Variants in LGALS8 observed in about 807,000 individuals in gnomAD.
The protein encoded by LGALS8 is galectin-8.
LGALS8 carries 30 observed loss-of-function variants against 35.9 expected under a neutral mutation model. That is an observed-to-expected ratio of 0.83 (90% CI 0.62 to 1.13). The LOEUF is 1.13. LGALS8 is among the 50% of genes most tolerant of loss of function. The probability of loss-of-function intolerance (pLI) is 0.00; values close to 1 mark genes in which losing one functional copy is unlikely to be tolerated. For missense variants in LGALS8, 366 were observed against 388.7 expected (o/e 0.94, Z 0.49); for synonymous variants, 138 against 136.1 (o/e 1.01, Z -0.10).
rs60024224 is a variant in LGALS8, at chr1:236,537,021, C to CTTTTTTTT, written c.46-470_46-463dup. 4.1e-4 allele frequency among the ~76,000 whole-genome samples: 57 copies of CTTTTTTTT among 137,884 alleles called. 2 individuals carry two copies. Among genetic ancestry groups the CTTTTTTTT allele is most frequent in the African/African-American group, 1.5e-3 (52 of 34,458 alleles). The allele number at this position is 137,884 out of a possible 152,430, so 90.5% of individuals were successfully genotyped here. ...ATCCTGGCCATGAGGTATGCAGTTC[C>CTTTTTTTT]TTTTTTTTTTTTTGAGACGGAGCCT... On this transcript the variant is annotated intron_variant, in intron 2 of 9. Coordinates refer to ENST00000366584, the MANE Select transcript of LGALS8 (RefSeq NM_201544.4).
chr1:236,533,190 C>T (rs1661246552), intron 2 of LGALS8, among the ~76,000 whole-genome samples: 1 of 152,170 alleles, frequency 6.6e-6, no homozygotes. Context: ...TCTTTTCCTG[C>T]CTCTCTGCTT....
intron 3 of LGALS8, among the ~76,000 whole-genome samples, chr1:236,538,161 G>A (rs1313847454): frequency 6.6e-6 from 1 of 151,752 alleles, no homozygotes; most frequent in East Asian, 1.9e-4. Context: ...GACAGGGACA[G>A]TCTAGTTTTA....
chr1:236,526,084 T>TA lies in LGALS8; in HGVS notation c.17dup (p.Asn6LysfsTer9), dbSNP rs1456453756. On this transcript the variant is annotated frameshift_variant, in exon 2 of 10. Transcript: ENST00000366584. LOFTEE classifies it high-confidence loss of function. This position sits in a 1 kb window ranked among gnomAD's most constrained non-coding sequence, Gnocchi z 4.6. ...AGCTGGAAAAGAATGATGTTGTCCTTAAACAACCTACAGAATATCATCTAT... is the reference window on the plus strand; with the variant it reads ...AGCTGGAAAAGAATGATGTTGTCCTTAAAACAACCTACAGAATATCATCTAT... The TA allele has an allele frequency of 6.2e-7, 1 of 1,612,336 alleles. No homozygotes were observed.
At chr1:236,543,156 C>A in intron 7 of LGALS8, 2 of 957,092 alleles carry the variant, frequency 2.1e-6, no homozygotes, top group Non-Finnish European at 3.3e-6. Flanking sequence ...CATTTGTGTG[C>A]CGTCCCTGGA....
chr1:236,537,732 A>G, intron 3 of LGALS8, 147 bp downstream of exon 3: 1 of 667,230 alleles, frequency 1.5e-6, no homozygotes, highest in South Asian at 1.7e-5. Context: ...TGCTGAGGAG[A>G]TTGGAATGAA....
chr1:236,520,172 G>A (rs568801476), upstream of LGALS8, among the ~76,000 whole-genome samples: 40 of 151,882 alleles, frequency 2.6e-4, no homozygotes, highest in Admixed American at 1.2e-3. Flanking sequence ...GGCCAGGCTG[G>A]TCTCAAACTC....
Position 236,551,214 on chromosome 1 carries a change from G to C in LGALS8, c.*3053G>C. 2.0e-6 allele frequency: 1 copy of C among 505,882 alleles called. No individual in the cohort carries two copies. The highest frequency in any genetic ancestry group is 2.9e-5 in the South Asian group (1 of 33,936). The allele number at this position is 505,882 out of a possible 1,614,324, so 31.3% of individuals were successfully genotyped here. ...CAGGCTTGCACTGGAAGCTGAATAAGAATCCCCAAAACTCAAACTTCCTAG... is the reference window on the plus strand; with the variant it reads ...CAGGCTTGCACTGGAAGCTGAATAACAATCCCCAAAACTCAAACTTCCTAG... On this transcript the variant is annotated 3_prime_UTR_variant, in exon 10 of 10. Coordinates refer to ENST00000366584, the MANE Select transcript of LGALS8 (RefSeq NM_201544.4).
At position 236,548,402 on chromosome 1, in the gene LGALS8, C is replaced by T. The variant is rs1572024139; in HGVS notation, c.*241C>T. The stretch of plus-strand genomic sequence containing the variant: ...TAAAGCCACTCTGCCCTCTCTCCTA[C>T]TTTGGCTGACTCTTCAAGAATGCCA... On this transcript the variant is annotated 3_prime_UTR_variant, in exon 10 of 10. Transcript: ENST00000366584. The T allele has an allele frequency of 2.0e-6, 1 of 489,744 alleles. No individual in the cohort carries two copies. Among genetic ancestry groups the T allele is most frequent in the East Asian group, 3.5e-5 (1 of 28,442 alleles). The allele number at this position is 489,744 out of a possible 1,614,324, so 30.3% of individuals were successfully genotyped here.
At chr1:236,547,094 G>A (rs1035217013) in intron 9 of LGALS8, among the ~76,000 whole-genome samples, 1 of 152,148 alleles carries the variant, frequency 6.6e-6, no homozygotes. Context: ...GGGTGGGGCC[G>A]GGTTAGCAGC....
rs550173238 is a variant in LGALS8, at chr1:236,533,635, C to T, written c.46-3862C>T. On this transcript the variant is annotated intron_variant, in intron 2 of 9. Coordinates refer to ENST00000366584, the MANE Select transcript of LGALS8 (RefSeq NM_201544.4). ...AGGTGTTAGCCACTGCGCCTGACCC[C>T]CATTTTTTTTTTTTTTAAAGATGTT... Among the ~76,000 whole-genome samples the T allele has an allele frequency of 4.5e-3, 574 of 126,938 alleles. 2 individuals are homozygous for T. The highest frequency in any genetic ancestry group is 0.017 in the African/African-American group (547 of 31,544). The allele number at this position is 126,938 out of a possible 152,430, so 83.3% of individuals were successfully genotyped here.
upstream of LGALS8, among the ~76,000 whole-genome samples, chr1:236,521,795 T>C (rs1660557337): frequency 6.7e-6 from 1 of 149,918 alleles, no homozygotes; most frequent in Non-Finnish European, 1.5e-5. Context: ...AACACTGTAC[T>C]CCACTCCAAC....
At position 236,540,669 on chromosome 1, in the gene LGALS8, T is replaced by C. The variant is rs779421748; in HGVS notation, c.451T>C (p.Phe151Leu). ...CAAAGTGAATATTCACTCAATTGGT[T>C]TTAGCTTCAGCTCGGTGAGTGACCT... ...YGKVNIHSIG[F>L]SFSSDLQSTQ... The change falls in exon 5 of 10, where the codon TTT becomes CTT. Residue 151 changes from phenylalanine to leucine, a missense_variant. Physicochemically the swap from Phe to Leu is conservative, Grantham distance 22. Transcript: ENST00000366584. 6.2e-7 allele frequency: 1 copy of C among 1,609,540 alleles called. No individual in the cohort carries two copies. Among genetic ancestry groups the C allele is most frequent in the Admixed American group, 1.7e-5 (1 of 59,196 alleles).
chr1:236,520,568 C>T (rs1321540859), upstream of LGALS8, among the ~76,000 whole-genome samples: 2 of 152,150 alleles, frequency 1.3e-5, no homozygotes, highest in Non-Finnish European at 2.9e-5. Context: ...CAATGACATC[C>T]ATGTTCCTAA....
At position 236,527,533 on chromosome 1, in the gene LGALS8, C is replaced by T. The variant is rs562488647; in HGVS notation, c.45+1418C>T. On this transcript the variant is annotated intron_variant, in intron 2 of 9. Transcript: ENST00000366584. ...AATTCTCTGTTTTATTATCAGTTCT[C>T]ACAAAAGAGTCGGAAAGGTTAGAGG... Among the ~76,000 whole-genome samples, 188 of 151,984 alleles carry T rather than the reference C, an allele frequency of 1.2e-3. 1 individual carries two copies. The highest frequency in any genetic ancestry group is 4.3e-3 in the African/African-American group (179 of 41,438).
chr1:236,532,661 G>A (rs772689325), intron 2 of LGALS8, among the ~76,000 whole-genome samples: 19 of 152,156 alleles, frequency 1.2e-4, no homozygotes, highest in Non-Finnish European at 2.1e-4. Context: ...GGCCAACTTG[G>A]TAAAACCCCA....
Position 236,542,863 on chromosome 1 carries a change from G to C in LGALS8, c.549+76G>C, listed in dbSNP as rs559293183. The C allele has an allele frequency of 6.2e-6, 10 of 1,614,110 alleles. No homozygotes were observed. The African/African-American group carries it at 8.0e-5, about 13-fold the overall frequency. On this transcript the variant is annotated intron_variant, in intron 7 of 9. Coordinates refer to ENST00000366584, the MANE Select transcript of LGALS8 (RefSeq NM_201544.4). The stretch of plus-strand genomic sequence containing the variant: ...ATAGAAAATGAACAGTTTAAACCGT[G>C]GAGGGCAGCTTCATTCATTCCATTC...
intron 1 of LGALS8, chr1:236,524,311 C>T (rs1220100210): frequency 4.4e-6 from 2 of 456,398 alleles, no homozygotes; most frequent in South Asian, 1.5e-5. Context: ...GAGTCGCGGC[C>T]TTTCTTGGAC....
rs758632374 is a variant in LGALS8, at chr1:236,543,611, G to A, written c.601G>A (p.Val201Ile). 4.0e-5 allele frequency: 64 copies of A among 1,613,992 alleles called. No individual in the cohort carries two copies. Among genetic ancestry groups the A allele is most frequent in the Non-Finnish European group, 5.1e-5 (60 of 1,179,994 alleles). The stretch of plus-strand genomic sequence containing the variant: ...CACCCCCATGGGCCCTGGACGAACT[G>A]TCGTCGTTAAAGGAGAAGTGAATGC... ...LNTPMGPGRTVVVKGEVNANA... is the reference protein window; with the variant it reads ...LNTPMGPGRTIVVKGEVNANA... The change falls in exon 8 of 10, where the codon GTC becomes ATC. Residue 201 changes from valine to isoleucine, a missense_variant. Physicochemically the swap from Val to Ile is conservative, Grantham distance 29. Transcript: ENST00000366584.
At chr1:236,527,604 T>A (rs1465453727) in intron 2 of LGALS8, among the ~76,000 whole-genome samples, 1 of 152,200 alleles carries the variant, frequency 6.6e-6, no homozygotes, top group East Asian at 1.9e-4. Context: ...TCTTTACGTT[T>A]CACTGCTGTA....
Sources: allele counts gnomAD v4.1 joint callset (sites outside exome capture counted in the v4.1 genomes callset), GRCh38; gene constraint gnomAD v4.1.1; non-coding constraint Gnocchi (gnomAD v3.1); transcripts MANE v1.5; gene names NCBI Gene and HGNC (gene_info 2026-07-23, HGNC 2026-07-21).